The following CFAP299 variants were observed in gnomAD, a reference collection of about 807,000 sequenced individuals.
CFAP299 encodes cilia- and flagella-associated protein 299.
Under a neutral mutation model 27.0 loss-of-function variants are expected in CFAP299, and 21 were observed. That is an observed-to-expected ratio of 0.78 (90% CI 0.55 to 1.12). The LOEUF is 1.12. CFAP299 is among the 50% of genes most tolerant of loss of function. The probability of loss-of-function intolerance (pLI) is 0.00; values close to 1 mark genes in which losing one functional copy is unlikely to be tolerated. For missense variants in CFAP299, 310 were observed against 276.6 expected (o/e 1.12, Z -0.86); for synonymous variants, 104 against 98.1 (o/e 1.06, Z -0.36).
intron 2 of CFAP299, among the ~76,000 whole-genome samples, chr4:80,365,776 GT>G (rs1723796459): frequency 6.6e-6 from 1 of 152,222 alleles, no homozygotes; most frequent in Non-Finnish European, 1.5e-5. Flanking sequence ...AATTTTATGA[GT>G]GATATAAGCT....
chr4:80,930,277 C>T lies in CFAP299; in HGVS notation c.477-14533C>T, dbSNP rs1736551689. On this transcript the variant is annotated intron_variant, in intron 4 of 5. Transcript: ENST00000358105. ...GCTTGGAAGCCCTTCCCATACCTCT[C>T]CCTATGCATCTCTTCATCTGTATCC... Among the ~76,000 whole-genome samples, 3 of 152,272 alleles carry T rather than the reference C, an allele frequency of 2.0e-5. No homozygotes were observed. In the South Asian group the frequency reaches 6.2e-4, roughly 32 times the overall value.
rs191703958 is a variant in CFAP299, at chr4:80,806,876, G to A, written c.334-63117G>A. On this transcript the variant is annotated intron_variant, in intron 3 of 5. Coordinates refer to ENST00000358105, the MANE Select transcript of CFAP299 (RefSeq NM_152770.3). ...CCTGTTAGACAGTAGAAAATCCCAG[G>A]ACATCTCTAGTATGTATCTTGTTAA... Among the ~76,000 whole-genome samples the A allele has an allele frequency of 2.6e-5, 4 of 152,232 alleles. No individual in the cohort carries two copies. The East Asian group carries it at 7.7e-4, about 29-fold the overall frequency.
chr4:80,694,259 TCTCACAAGA>T (rs1379937168), intron 3 of CFAP299, among the ~76,000 whole-genome samples: 1 of 152,172 alleles, frequency 6.6e-6, no homozygotes, highest in Non-Finnish European at 1.5e-5. Flanking sequence ...AGTACATACG[TCTCACAAGA>T]CAGGCGTTCA....
chr4:80,937,916 A>G (rs1054522994), intron 4 of CFAP299, among the ~76,000 whole-genome samples: 3 of 151,840 alleles, frequency 2.0e-5, no homozygotes, highest in African/African-American at 7.3e-5. Context: ...TGTTTTTTGT[A>G]TGACTACAAT....
At chr4:80,508,713 C>T (rs1255918307) in intron 2 of CFAP299, among the ~76,000 whole-genome samples, 1 of 152,076 alleles carries the variant, frequency 6.6e-6, no homozygotes, top group Non-Finnish European at 1.5e-5. Context: ...AGTGCACCAC[C>T]ACTCCTGGCT....
At chr4:80,627,534 A>T (rs1738973862) in intron 3 of CFAP299, among the ~76,000 whole-genome samples, 1 of 151,990 alleles carries the variant, frequency 6.6e-6, no homozygotes, top group Non-Finnish European at 1.5e-5. Flanking sequence ...CAAATTGGAA[A>T]GGAAGAAATT....
chr4:80,423,090 C>T (rs1185533059), intron 2 of CFAP299, among the ~76,000 whole-genome samples: 1 of 152,156 alleles, frequency 6.6e-6, no homozygotes, highest in Non-Finnish European at 1.5e-5. Flanking sequence ...TAAATAGGTA[C>T]ATTTGCATAA....
chr4:80,799,564 AAT>A (rs1156986369), intron 3 of CFAP299, among the ~76,000 whole-genome samples: 4 of 76,062 alleles, frequency 5.3e-5, no homozygotes, highest in African/African-American at 1.7e-4. Flanking sequence ...ATATTTAATA[AAT>A]ATATATATTT....
At chr4:80,703,364 A>G (rs765681259) in intron 3 of CFAP299, among the ~76,000 whole-genome samples, 2 of 151,728 alleles carry the variant, frequency 1.3e-5, no homozygotes, top group African/African-American at 4.8e-5. Context: ...TGACACTGAT[A>G]ATAAGCATGT....
intron 2 of CFAP299, among the ~76,000 whole-genome samples, chr4:80,551,821 C>T (rs1352597481): frequency 2.0e-5 from 3 of 151,728 alleles, no homozygotes; most frequent in Non-Finnish European, 4.4e-5. Flanking sequence ...AATCTGGGCT[C>T]ACTGCAACCT....
At chr4:80,578,819 G>A (rs1736015364) in intron 2 of CFAP299, among the ~76,000 whole-genome samples, 1 of 152,010 alleles carries the variant, frequency 6.6e-6, no homozygotes, top group Non-Finnish European at 1.5e-5. Flanking sequence ...TTATTATCTT[G>A]TGCTATTATT....
chr4:80,573,093 G>A (rs762755429), intron 2 of CFAP299, among the ~76,000 whole-genome samples: 1 of 152,070 alleles, frequency 6.6e-6, no homozygotes, highest in Non-Finnish European at 1.5e-5. Context: ...TATCAACAGT[G>A]TATCAGGGTT....
chr4:80,890,219 C>A (rs1156243463), intron 4 of CFAP299, among the ~76,000 whole-genome samples: 1 of 151,994 alleles, frequency 6.6e-6, no homozygotes, highest in African/African-American at 2.4e-5. Context: ...TGATCTCATA[C>A]TTGGAAAAAC....
At chr4:80,667,160 GT>G (rs1741181335) in intron 3 of CFAP299, among the ~76,000 whole-genome samples, 1 of 152,054 alleles carries the variant, frequency 6.6e-6, no homozygotes, top group Non-Finnish European at 1.5e-5. Context: ...AAAAGTCATA[GT>G]GTTTGAATTA....
At chr4:80,467,192 C>G (rs566100454) in intron 2 of CFAP299, among the ~76,000 whole-genome samples, 1 of 152,132 alleles carries the variant, frequency 6.6e-6, no homozygotes, top group African/African-American at 2.4e-5. Context: ...CTGCTAGCAG[C>G]TTGAAATTGG....
intron 3 of CFAP299, among the ~76,000 whole-genome samples, chr4:80,675,765 C>T (rs761728139): frequency 6.6e-6 from 1 of 152,196 alleles, no homozygotes; most frequent in Non-Finnish European, 1.5e-5. Flanking sequence ...CCTCACACTG[C>T]CAGGCTGCTG....
intron 3 of CFAP299, among the ~76,000 whole-genome samples, chr4:80,839,154 A>G (rs954416): frequency 0.11 from 17,114 of 152,168 alleles, 1,209 homozygotes; most frequent in Middle Eastern, 0.2. Flanking sequence ...CAAATCATAT[A>G]CATTATGCTT....
At chr4:80,768,522 A>G (rs890282759) in intron 3 of CFAP299, among the ~76,000 whole-genome samples, 2 of 152,246 alleles carry the variant, frequency 1.3e-5, no homozygotes, top group Non-Finnish European at 2.9e-5. Flanking sequence ...TCAAACTGGC[A>G]GCAATGTTAA....
At chr4:80,497,322 G>A (rs1401002673) in intron 2 of CFAP299, among the ~76,000 whole-genome samples, 1 of 152,082 alleles carries the variant, frequency 6.6e-6, no homozygotes, top group Non-Finnish European at 1.5e-5. Context: ...GTAATTTTTG[G>A]TAACTAGCAA....
Sources: allele counts gnomAD v4.1 joint callset (sites outside exome capture counted in the v4.1 genomes callset), GRCh38; gene constraint gnomAD v4.1.1; transcripts MANE v1.5; gene names NCBI Gene and HGNC (gene_info 2026-07-23, HGNC 2026-07-21).